Variants in KCNC2 observed in about 807,000 individuals in gnomAD.
KCNC2 encodes the protein voltage-gated potassium channel KCNC2.
A neutral mutation model predicts 44.5 loss-of-function variants in KCNC2; 21 were observed. The observed-to-expected ratio is 0.47, with a 90% CI of 0.33 to 0.68. KCNC2 has a LOEUF of 0.68. Ranked by LOEUF, KCNC2 falls within the 30% of genes least tolerant of loss-of-function variation. KCNC2 has a pLI of 0.01. For missense variants in KCNC2, 589 were observed against 826.2 expected, an observed-to-expected ratio of 0.71 and a Z score of 3.52; for synonymous variants, 391 against 339.1, an observed-to-expected ratio of 1.15 and a Z score of -1.68.
Position 75,201,789 on chromosome 12 carries a change from C to A in KCNC2, c.687+5508G>T, listed in dbSNP as rs148095417. Reference sequence around the variant, plus strand: ...AAAAGAATATTTTGACTGCTCTTCTCGAAGAAAAGCCCTTCATATTTCAAC... The same window carrying A: ...AAAAGAATATTTTGACTGCTCTTCTAGAAGAAAAGCCCTTCATATTTCAAC... On this transcript the variant is annotated intron_variant, in intron 2 of 4. Coordinates refer to ENST00000549446, the MANE Select transcript of KCNC2 (RefSeq NM_139137.4). Among the ~76,000 whole-genome samples the A allele has an allele frequency of 3.7e-3, 569 of 151,874 alleles. 1 individual carries two copies. Among genetic ancestry groups the A allele is most frequent in the African/African-American group, 0.013 (535 of 41,508 alleles).
intron 2 of KCNC2, among the ~76,000 whole-genome samples, chr12:75,105,782 C>T (rs759392052): frequency 6.6e-6 from 1 of 151,978 alleles, no homozygotes; most frequent in Non-Finnish European, 1.5e-5. Flanking sequence ...ACCATGATTT[C>T]GTTTTGGGAC....
chr12:75,074,205 G>T (rs1369460633), intron 2 of KCNC2, among the ~76,000 whole-genome samples: 3 of 149,954 alleles, frequency 2.0e-5, no homozygotes, highest in Non-Finnish European at 4.4e-5. Context: ...CTGCAAGCTA[G>T]GAAAGAAGAT....
At position 75,075,430 on chromosome 12, in the gene KCNC2, C is replaced by T. The variant is rs113290353; in HGVS notation, c.688-24113G>A. ...GTTGAATGTCTCCAAATATTAAATC[C>T]AATTCTCAGGAGAGAAATATATATA... On this transcript the variant is annotated intron_variant, in intron 2 of 4. Transcript: ENST00000549446. Among the ~76,000 whole-genome samples, 335 of 140,372 alleles carry T rather than the reference C, an allele frequency of 2.4e-3. 3 individuals are homozygous for T. Among genetic ancestry groups the T allele is most frequent in the African/African-American group, 8.2e-3 (314 of 38,524 alleles). 92.1% of individuals were successfully genotyped at this position (140,372 alleles called of 152,430 possible). A position where few individuals can be genotyped will look rare whatever the true frequency, so the allele number is the denominator to read the frequency against.
At chr12:75,133,450 G>GA (rs111915760) in intron 2 of KCNC2, among the ~76,000 whole-genome samples, 11,139 of 143,682 alleles carry the variant, frequency 0.078, 532 homozygotes, top group African/African-American at 0.14. Context: ...CTACAGAACT[G>GA]AAAAAAAAAA....
chr12:75,164,216 A>C (rs1165972350), intron 2 of KCNC2, among the ~76,000 whole-genome samples: 1 of 151,630 alleles, frequency 6.6e-6, no homozygotes, highest in Non-Finnish European at 1.5e-5. Flanking sequence ...CAGTAGGAGT[A>C]ATCTTTTGGA....
chr12:75,097,653 A>T (rs1051827508), intron 2 of KCNC2, among the ~76,000 whole-genome samples: 2 of 152,160 alleles, frequency 1.3e-5, no homozygotes, highest in African/African-American at 4.8e-5. Context: ...AGACAAAAGT[A>T]TACTAGTGAA....
intron 2 of KCNC2, among the ~76,000 whole-genome samples, chr12:75,058,353 A>C (rs183018507): frequency 6.6e-6 from 1 of 151,762 alleles, no homozygotes; most frequent in African/African-American, 2.4e-5. Flanking sequence ...TTTAATATAA[A>C]TTTATTTTTA....
intron 4 of KCNC2, among the ~76,000 whole-genome samples, chr12:75,046,381 G>A (rs535929741): frequency 6.6e-6 from 1 of 151,558 alleles, no homozygotes; most frequent in African/African-American, 2.4e-5. Context: ...TTTCTCATTC[G>A]TGATTTTCTT....
At chr12:75,121,188 TA>T (rs1888022719) in intron 2 of KCNC2, among the ~76,000 whole-genome samples, 1 of 152,218 alleles carries the variant, frequency 6.6e-6, no homozygotes, top group Non-Finnish European at 1.5e-5. Flanking sequence ...ACTTGGCTCT[TA>T]AATACATATT....
At chr12:75,061,742 TA>T (rs1882364362) in intron 2 of KCNC2, among the ~76,000 whole-genome samples, 1 of 152,066 alleles carries the variant, frequency 6.6e-6, no homozygotes. Flanking sequence ...ATGCTAATCC[TA>T]AAACTTTCTA....
chr12:75,206,902 G>A (rs1410271100), intron 2 of KCNC2, among the ~76,000 whole-genome samples: 1 of 152,134 alleles, frequency 6.6e-6, no homozygotes, highest in Non-Finnish European at 1.5e-5. Flanking sequence ...TGTCAAATAG[G>A]GATGACCAGG....
At chr12:75,109,550 C>T (rs751656314) in intron 2 of KCNC2, among the ~76,000 whole-genome samples, 12 of 152,130 alleles carry the variant, frequency 7.9e-5, no homozygotes, top group East Asian at 5.8e-4. Context: ...TTAAGGCTTG[C>T]GCTGCACCCC....
At chr12:75,055,520 T>C (rs1341229990) in intron 2 of KCNC2, among the ~76,000 whole-genome samples, 1 of 152,022 alleles carries the variant, frequency 6.6e-6, no homozygotes, top group Non-Finnish European at 1.5e-5. Flanking sequence ...TAATTAAAAA[T>C]AAAATTAGGC....
intron 2 of KCNC2, among the ~76,000 whole-genome samples, chr12:75,096,093 T>C (rs1195944401): frequency 6.6e-6 from 1 of 151,968 alleles, no homozygotes; most frequent in East Asian, 1.9e-4. Flanking sequence ...TGATCAAATT[T>C]CTTAATTTTC....
chr12:75,071,924 CG>C (rs1565828609), intron 2 of KCNC2, among the ~76,000 whole-genome samples: 1 of 109,414 alleles, frequency 9.1e-6, no homozygotes, highest in African/African-American at 4.4e-5. Context: ...GGCGACAGAG[CG>C]AGACTCCTTC....
At chr12:75,204,948 G>A (rs2031571192) in intron 2 of KCNC2, among the ~76,000 whole-genome samples, 1 of 152,100 alleles carries the variant, frequency 6.6e-6, no homozygotes, top group African/African-American at 2.4e-5. Context: ...TTTTTAAGAA[G>A]TTAATTCAAG....
intron 2 of KCNC2, among the ~76,000 whole-genome samples, chr12:75,097,683 A>T (rs1886048207): frequency 1.3e-5 from 2 of 152,128 alleles, no homozygotes; most frequent in Non-Finnish European, 2.9e-5. Flanking sequence ...CCTTATAAAA[A>T]TGTATTAGAA....
At chr12:75,117,851 T>C (rs1185373416) in intron 2 of KCNC2, among the ~76,000 whole-genome samples, 1 of 152,196 alleles carries the variant, frequency 6.6e-6, no homozygotes, top group African/African-American at 2.4e-5. Flanking sequence ...AAAGAATGCA[T>C]GCCATAATTT....
At chr12:75,087,692 T>A (rs1186556669) in intron 2 of KCNC2, among the ~76,000 whole-genome samples, 1 of 152,056 alleles carries the variant, frequency 6.6e-6, no homozygotes, top group African/African-American at 2.4e-5. Flanking sequence ...GATTCCTATC[T>A]GTGAGTACAC....
Sources: allele counts gnomAD v4.1 joint callset (sites outside exome capture counted in the v4.1 genomes callset), GRCh38; gene constraint gnomAD v4.1.1; transcripts MANE v1.5; gene names NCBI Gene and HGNC (gene_info 2026-07-23, HGNC 2026-07-21).